The following WLS variants were observed in gnomAD, a reference collection of about 807,000 sequenced individuals.
The protein encoded by WLS is Wnt ligand secretion mediator.
In WLS, 23 loss-of-function variants were observed where a neutral mutation model predicts 62.8. The ratio of observed to expected loss-of-function variants is 0.37; its 90% CI spans 0.26 to 0.52. The LOEUF is 0.52. WLS is among the 20% of genes least tolerant of loss of function. WLS has a pLI of 0.92. For synonymous variants in WLS, 246 were observed against 244.1 expected, an observed-to-expected ratio of 1.01 and a Z score of -0.07; for missense variants, 615 against 697.3, an observed-to-expected ratio of 0.88 and a Z score of 1.33.
chr1:68,152,600 C>T (rs141583468), intron 5 of WLS, among the ~76,000 whole-genome samples: 27 of 152,174 alleles, frequency 1.8e-4, no homozygotes, highest in East Asian at 3.9e-4. Flanking sequence ...TTGGTGATCC[C>T]GTGAAAAGCA....
At chr1:68,218,313 G>A (rs927389915) in intron 1 of WLS, among the ~76,000 whole-genome samples, 4 of 151,708 alleles carry the variant, frequency 2.6e-5, no homozygotes, top group African/African-American at 9.7e-5. Context: ...AATAGATATT[G>A]AGAGGGGACA....
At chr1:68,203,362 C>G (rs903261521) in intron 1 of WLS, among the ~76,000 whole-genome samples, 3 of 152,176 alleles carry the variant, frequency 2.0e-5, no homozygotes, top group African/African-American at 7.2e-5. Flanking sequence ...TCTCAGATTA[C>G]CTGAGATAGT....
At chr1:68,196,686 C>CACT (rs1648679376) in intron 1 of WLS, among the ~76,000 whole-genome samples, 1 of 152,096 alleles carries the variant, frequency 6.6e-6, no homozygotes, top group South Asian at 2.1e-4. Context: ...GAAAACTCAA[C>CACT]ACTACTAAGC....
exon 12 of WLS, chr1:68,098,639 C>T: frequency 6.2e-7 from 1 of 1,613,638 alleles, no homozygotes; most frequent in South Asian, 1.1e-5. Context: ...GACTCAAATA[C>T]CAGAAGCTGC....
chr1:68,202,201 G>A (rs1649057274), intron 1 of WLS: 3 of 152,196 alleles, frequency 2.0e-5, no homozygotes, highest in African/African-American at 7.2e-5. Context: ...CTCTTACATA[G>A]TATTTGAAAT....
intron 7 of WLS, among the ~76,000 whole-genome samples, 172 bp from the exon 8 acceptor site, chr1:68,148,371 A>G (rs528203523): frequency 1.3e-5 from 2 of 152,384 alleles, no homozygotes; most frequent in East Asian, 1.9e-4. Context: ...CATCGGCCCA[A>G]ATATTTTTCA....
chr1:68,134,962 C>T (rs955164248), intron 11 of WLS, among the ~76,000 whole-genome samples: 2 of 152,224 alleles, frequency 1.3e-5, no homozygotes, highest in African/African-American at 4.8e-5. Context: ...GGGTTGGCCA[C>T]AGCTCTGGGC....
At chr1:68,154,208 C>T (rs537456031) in intron 4 of WLS, among the ~76,000 whole-genome samples, 1 of 152,074 alleles carries the variant, frequency 6.6e-6, no homozygotes, top group East Asian at 1.9e-4. Context: ...CTCTTAACAC[C>T]TCTCTTGGCC....
chr1:68,123,137 G>A (rs75748815), downstream of WLS, among the ~76,000 whole-genome samples: 2,936 of 152,030 alleles, frequency 0.019, 80 homozygotes, highest in Admixed American at 0.088. Flanking sequence ...GGCTCTTCTC[G>A]GAGCAACCAT....
rs142014805 is a variant in WLS at position 68,132,653 on chromosome 1, A to C, written c.1516+5127T>G. Among the ~76,000 whole-genome samples, 1,345 of 152,308 alleles carry C rather than the reference A, an allele frequency of 8.8e-3. 10 individuals carry two copies. The highest frequency in any genetic ancestry group is 0.024 in the Middle Eastern group (7 of 294). ...TAGACAGAAAATGCTTAGCGTGAAC[A>C]GAAATAGGAGGGAATGGTGGCAGTG... On this transcript the variant is annotated intron_variant, in intron 11 of 11. Transcript: ENST00000262348.
At chr1:68,126,640 G>T (rs181197624) in intron 11 of WLS, among the ~76,000 whole-genome samples, 2 of 152,216 alleles carry the variant, frequency 1.3e-5, no homozygotes, top group Admixed American at 6.5e-5. Context: ...TGTGCCTGAC[G>T]CTATTCTAAT....
Position 68,150,352 on chromosome 1 carries a change from T to C in WLS, c.808A>G (p.Ile270Val). 6.2e-7 allele frequency: 1 copy of C among 1,614,182 alleles called. No individual in the cohort carries two copies. ...GTCATGGAAATCCCAAGGGCAAAGA[T>C]GACTCTGATGGTGAGAAAATATCAG... ...SRPPVLLEKV[I>V]FALGISMTFI... The change falls in exon 6 of 12, where the codon ATC (isoleucine) becomes GTC (valine). Residue 270 changes from isoleucine to valine, a missense_variant. By Grantham distance (29) the Ile-to-Val change is conservative. Coordinates refer to ENST00000262348, the MANE Select transcript of WLS (RefSeq NM_024911.7).
In WLS at chr1:68,154,299, C is replaced by T. The variant is rs142419970; in HGVS notation, c.667-646G>A. The stretch of plus-strand genomic sequence containing the variant: ...GAGCTTTTTCCCTATGCTAAGATTA[C>T]GATTAAGTACATGATCAATTTTTTT... On this transcript the variant is annotated intron_variant, in intron 4 of 11. Transcript: ENST00000262348. 5.7e-3 allele frequency among the ~76,000 whole-genome samples: 860 copies of T among 152,170 alleles called. 3 individuals are homozygous for T. Among genetic ancestry groups the T allele is most frequent in the Non-Finnish European group, 8.7e-3 (594 of 68,016 alleles).
At chr1:68,106,744 GTGTGTGTA>G (rs1177568829) in intron 11 of WLS, among the ~76,000 whole-genome samples, 2,447 of 149,564 alleles carry the variant, frequency 0.016, 72 homozygotes, top group African/African-American at 0.058. Context: ...GTGTGTGTGT[GTGTGTGTA>G]TGTGTGGGTA....
At chr1:68,222,496 C>CAGTTGGG (rs1410599945) in intron 1 of WLS, among the ~76,000 whole-genome samples, 1 of 152,078 alleles carries the variant, frequency 6.6e-6, no homozygotes, top group African/African-American at 2.4e-5. Flanking sequence ...TAAGAAGCAC[C>CAGTTGGG]AGTTGGGAAT....
chr1:68,184,593 T>C (rs1647798773), intron 2 of WLS, among the ~76,000 whole-genome samples: 1 of 152,236 alleles, frequency 6.6e-6, no homozygotes, highest in African/African-American at 2.4e-5. Context: ...GACACTCTTC[T>C]CTGCCTATTC....
chr1:68,162,119 A>G, intron 2 of WLS: 1 of 1,546,038 alleles, frequency 6.5e-7, no homozygotes, highest in Non-Finnish European at 8.9e-7. Context: ...TGCTTGCTGT[A>G]CCAGGCAGTG....
At chr1:68,104,539 A>G (rs1175217896) in intron 11 of WLS, among the ~76,000 whole-genome samples, 3 of 152,188 alleles carry the variant, frequency 2.0e-5, no homozygotes, top group African/African-American at 4.8e-5. Context: ...TATTGGGACT[A>G]TGGGTGTCCA....
chr1:68,213,882 G>A (rs1257041657), intron 1 of WLS, among the ~76,000 whole-genome samples: 6 of 151,956 alleles, frequency 3.9e-5, no homozygotes, highest in East Asian at 1.9e-4. Flanking sequence ...TTGCTTCCTC[G>A]GCCTCACAGC....
Sources: gnomAD v4.1 joint callset for allele counts (sites outside exome capture counted in the v4.1 genomes callset) on GRCh38, gnomAD v4.1.1 for gene constraint, MANE v1.5 for transcripts, NCBI Gene and HGNC (gene_info 2026-07-23, HGNC 2026-07-21) for gene names.